The following INTS7 variants were observed in gnomAD, a reference collection of about 807,000 sequenced individuals.
INTS7 encodes the protein integrator complex subunit 7, also known as chromosome 1 open reading frame 73.
In INTS7, 46 loss-of-function variants were observed where a neutral mutation model predicts 109.2. The ratio of observed to expected loss-of-function variants is 0.42; its 90% CI spans 0.33 to 0.54. The LOEUF (loss-of-function observed/expected upper bound fraction) is 0.54. Ranked by LOEUF, INTS7 falls within the 20% of genes least tolerant of loss-of-function variation. The pLI is 0.07. For missense variants in INTS7, 929 were observed against 1,132.4 expected, an observed-to-expected ratio of 0.82 and a Z score of 2.58; for synonymous variants, 412 against 402.9, an observed-to-expected ratio of 1.02 and a Z score of -0.27.
In INTS7 at chr1:212,020,162, T is replaced by C. The variant is rs1666628966; in HGVS notation, c.331A>G (p.Ile111Val). 2 of 1,609,554 alleles carry C rather than the reference T, an allele frequency of 1.2e-6. No individual in the cohort carries two copies. The highest frequency in any genetic ancestry group is 1.7e-6 in the Non-Finnish European group (2 of 1,177,220). The change falls in exon 3 of 20, where the codon ATT becomes GTT. Residue 111 changes from isoleucine to valine, a missense_variant. Coordinates refer to ENST00000366994, the MANE Select transcript of INTS7 (RefSeq NM_015434.4). ...DEFVKRIFSVIHSNDPVARAI... is the reference protein window; with the variant it reads ...DEFVKRIFSVVHSNDPVARAI... ...CTTGCCACAGGATCATTACTATGAA[T>C]CACAGAAAAAATTCTCTTCACAAAT...
chr1:212,012,652 G>A (rs2102476768), intron 4 of INTS7, among the ~76,000 whole-genome samples: 1 of 152,266 alleles, frequency 6.6e-6, no homozygotes, highest in South Asian at 2.1e-4. Flanking sequence ...TCATATTGAA[G>A]CATGGTATAT....
In INTS7 at chr1:211,969,793, A is replaced by C. The variant is rs567684043; in HGVS notation, c.1816-1086T>G. 2.0e-5 allele frequency among the ~76,000 whole-genome samples: 3 copies of C among 147,960 alleles called. No homozygotes were observed. In the East Asian group the frequency reaches 5.9e-4, roughly 29 times the overall value. ...GAGTGCAATGGCACGATCTCGGCTC[A>C]CTGCAAGCTCCGTCTTCCGGGTTCA... On this transcript the variant is annotated intron_variant, in intron 13 of 19. Coordinates refer to ENST00000366994, the MANE Select transcript of INTS7 (RefSeq NM_015434.4).
At chr1:211,954,371 G>C (rs369012566) in intron 16 of INTS7, among the ~76,000 whole-genome samples, 20 of 151,888 alleles carry the variant, frequency 1.3e-4, no homozygotes, top group South Asian at 2.1e-4. Context: ...ATGGTAGTTT[G>C]TTTTGCTGTG....
chr1:212,011,853 A>G (rs1469560152), intron 4 of INTS7, among the ~76,000 whole-genome samples: 1 of 152,238 alleles, frequency 6.6e-6, no homozygotes, highest in African/African-American at 2.4e-5. Context: ...GAATTTAAAA[A>G]TCTGTTACAG....
At chr1:211,947,589 C>A (rs935593818) in intron 17 of INTS7, among the ~76,000 whole-genome samples, 2 of 152,134 alleles carry the variant, frequency 1.3e-5, no homozygotes, top group African/African-American at 4.8e-5. Flanking sequence ...TCTGTTCTTG[C>A]AGACCCGATT....
chr1:211,952,919 T>G (rs1663167741), intron 16 of INTS7, among the ~76,000 whole-genome samples: 1 of 152,238 alleles, frequency 6.6e-6, no homozygotes, highest in Admixed American at 6.5e-5. Context: ...CAGGTCTGAC[T>G]TCAAGTTATG....
intron 1 of INTS7, among the ~76,000 whole-genome samples, chr1:212,032,886 A>ATC (rs1288328302): frequency 6.6e-6 from 1 of 152,138 alleles, no homozygotes; most frequent in Non-Finnish European, 1.5e-5. Context: ...CTTCCACTTG[A>ATC]TTGAGGAGGT....
At chr1:211,983,513 T>C (rs541295777) in intron 8 of INTS7, among the ~76,000 whole-genome samples, 20 of 152,366 alleles carry the variant, frequency 1.3e-4, no homozygotes, top group African/African-American at 4.8e-4. Context: ...GTTGTAACTA[T>C]TGTAATTTAC....
intron 16 of INTS7, among the ~76,000 whole-genome samples, chr1:211,955,180 T>C (rs1414465897): frequency 1.3e-5 from 2 of 152,124 alleles, no homozygotes; most frequent in African/African-American, 4.8e-5. Flanking sequence ...TCACTCATGA[T>C]TTGGCTCTCT....
intron 11 of INTS7, among the ~76,000 whole-genome samples, chr1:211,977,711 A>G (rs1300896697): frequency 6.6e-6 from 1 of 152,188 alleles, no homozygotes; most frequent in East Asian, 1.9e-4. Context: ...GAACTTTTCA[A>G]CTAAACATTT....
chr1:212,009,214 C>CCT (rs1666062042), intron 5 of INTS7, among the ~76,000 whole-genome samples: 1 of 152,142 alleles, frequency 6.6e-6, no homozygotes, highest in African/African-American at 2.4e-5. Flanking sequence ...TTTTCCTCTG[C>CCT]CTCTCTCTCC....
chr1:211,969,551 CTTTTTTTTTTTTT>C (rs36104773), intron 13 of INTS7, among the ~76,000 whole-genome samples: 1 of 85,018 alleles, frequency 1.2e-5, no homozygotes, highest in Non-Finnish European at 2.4e-5. Flanking sequence ...TTTTTCTTTT[CTTTTTTTTTTTTT>C]TTTTTTTTTG....
rs78512579 is a variant in INTS7, at chr1:212,007,519, G to A, written c.557-70C>T. The A allele has an allele frequency of 9.7e-3, 12,487 of 1,281,170 alleles. 73 individuals are homozygous for A. The highest frequency in any genetic ancestry group is 0.013 in the Non-Finnish European group (11,188 of 886,290). 79.4% of individuals were successfully genotyped at this position (1,281,170 alleles called of 1,614,324 possible). A position where few individuals can be genotyped will look rare whatever the true frequency, so the allele number is the denominator to read the frequency against. Reference sequence around the variant, plus strand: ...TAATAATATTCCAGATTTAAAAGCTGTGACTCATTTAGCAAAATTGCACTT... The same window carrying A: ...TAATAATATTCCAGATTTAAAAGCTATGACTCATTTAGCAAAATTGCACTT... On this transcript the variant is annotated intron_variant, in intron 5 of 19. Transcript: ENST00000366994.
chr1:212,015,927 C>T (rs933188082), intron 4 of INTS7, among the ~76,000 whole-genome samples: 42 of 151,376 alleles, frequency 2.8e-4, no homozygotes, highest in African/African-American at 9.7e-4. Flanking sequence ...ACAAATATTA[C>T]GGCTTTTATT....
intron 17 of INTS7, among the ~76,000 whole-genome samples, chr1:211,951,294 T>C (rs1663073654): frequency 6.6e-6 from 1 of 151,906 alleles, no homozygotes; most frequent in Non-Finnish European, 1.5e-5. Flanking sequence ...ATGAGTGTTT[T>C]TTTTGTTTGT....
intron 7 of INTS7, among the ~76,000 whole-genome samples, chr1:211,991,506 G>C (rs12755561): frequency 6.6e-6 from 1 of 152,250 alleles, no homozygotes; most frequent in East Asian, 1.9e-4. Context: ...CAGTAGGCGG[G>C]AAACAGTCAT....
rs1453502436 is a variant in INTS7, at chr1:211,974,272, AAAAAATAT to A, written c.1815+886_1815+893del. ...GAAACAACAATCTCTTCCCAGAAAAAAAAAATATATATATATATATATATATATATATA... is the reference window on the plus strand; with the variant it reads ...GAAACAACAATCTCTTCCCAGAAAAAATATATATATATATATATATATATA... On this transcript the variant is annotated intron_variant, in intron 13 of 19. Transcript: ENST00000366994. Among the ~76,000 whole-genome samples, 10 of 62,322 alleles carry A rather than the reference AAAAAATAT, an allele frequency of 1.6e-4. No individual in the cohort carries two copies. In the East Asian group the frequency reaches 3.7e-3, roughly 23 times the overall value. 40.9% of individuals were successfully genotyped at this position (62,322 alleles called of 152,430 possible).
At chr1:211,969,667 C>G (rs1056184772) in intron 13 of INTS7, among the ~76,000 whole-genome samples, 13 of 150,864 alleles carry the variant, frequency 8.6e-5, no homozygotes, top group East Asian at 2.0e-4. Flanking sequence ...ATTATCCCCC[C>G]ACCTGAGTTT....
intron 1 of INTS7, among the ~76,000 whole-genome samples, chr1:212,033,481 C>A (rs962047394): frequency 2.0e-5 from 3 of 152,146 alleles, no homozygotes; most frequent in Admixed American, 1.3e-4. Flanking sequence ...AGATTGACAC[C>A]TGATTTCTTT....
Sources: gnomAD v4.1 joint callset for allele counts (sites outside exome capture counted in the v4.1 genomes callset) on GRCh38, gnomAD v4.1.1 for gene constraint, MANE v1.5 for transcripts, NCBI Gene and HGNC (gene_info 2026-07-23, HGNC 2026-07-21) for gene names.